The following ASF1A variants were observed in gnomAD, a reference collection of about 807,000 sequenced individuals.
The protein encoded by ASF1A is histone chaperone ASF1A.
Under a neutral mutation model 22.0 loss-of-function variants are expected in ASF1A, and 5 were observed. That is an observed-to-expected ratio of 0.23 (90% CI 0.12 to 0.48). The LOEUF is 0.48. ASF1A is among the 20% of genes least tolerant of loss of function. The pLI is 0.99. For missense variants in ASF1A, 137 were observed against 240.6 expected (o/e 0.57, Z 2.85); for synonymous variants, 97 against 86.7 (o/e 1.12, Z -0.66).
intron 3 of ASF1A, among the ~76,000 whole-genome samples, chr6:118,906,457 C>G (rs952090193): frequency 6.6e-6 from 1 of 152,254 alleles, no homozygotes; most frequent in East Asian, 1.9e-4. Context: ...TGATTCTGTT[C>G]ATTTCAACCT....
In ASF1A at chr6:118,905,873, T is replaced by G. The variant is rs770997891; in HGVS notation, c.402+45T>G. 9 of 1,427,992 alleles carry G rather than the reference T, an allele frequency of 6.3e-6. No homozygotes were observed. In the South Asian group the frequency reaches 1.3e-4, roughly 20 times the overall value. 88.5% of individuals were successfully genotyped at this position (1,427,992 alleles called of 1,614,324 possible). On this transcript the variant is annotated intron_variant, in intron 3 of 3. Transcript: ENST00000229595. Reference sequence around the variant, plus strand: ...TTTTTAACTACTTTTACTATGCAATTTTTAAAGCAGTTGCTATTGCAATTT... The same window carrying G: ...TTTTTAACTACTTTTACTATGCAATGTTTAAAGCAGTTGCTATTGCAATTT...
At chr6:118,898,566 A>G (rs780866299) in intron 1 of ASF1A, among the ~76,000 whole-genome samples, 6 of 151,926 alleles carry the variant, frequency 3.9e-5, no homozygotes, top group African/African-American at 1.2e-4. Context: ...CTGGGACCAC[A>G]GGCATGTGCC....
intron 2 of ASF1A, among the ~76,000 whole-genome samples, chr6:118,904,521 G>C (rs1780037055): frequency 6.6e-6 from 1 of 152,190 alleles, no homozygotes; most frequent in Non-Finnish European, 1.5e-5. Flanking sequence ...GTGTTCCCCA[G>C]TCTGGCTCCT....
chr6:118,906,818 A>G (rs917192577), intron 3 of ASF1A, among the ~76,000 whole-genome samples: 3 of 152,214 alleles, frequency 2.0e-5, no homozygotes, highest in Non-Finnish European at 4.4e-5. Context: ...GAAAAATTAC[A>G]TGACAATAGA....
chr6:118,894,241 A>G lies in ASF1A; in HGVS notation c.-173A>G. 8.3e-6 allele frequency: 12 copies of G among 1,443,516 alleles called. No homozygotes were observed. Among genetic ancestry groups the G allele is most frequent in the Non-Finnish European group, 1.1e-5 (12 of 1,104,066 alleles). The allele number at this position is 1,443,516 out of a possible 1,614,324, so 89.4% of individuals were successfully genotyped here. ...TAGTGAAATAGGAAAGCTGCAAAAC[A>G]CTGTGGAGTGCTCCCGTGTAAATAA... On this transcript the variant is annotated 5_prime_UTR_variant, in exon 1 of 4. Transcript: ENST00000229595.
chr6:118,907,843 C>G lies in ASF1A; in HGVS notation c.*229C>G. 2.3e-6 allele frequency: 1 copy of G among 429,252 alleles called. No individual in the cohort carries two copies. Among genetic ancestry groups the G allele is most frequent in the Non-Finnish European group, 4.2e-6 (1 of 239,420 alleles). The allele number at this position is 429,252 out of a possible 1,614,324, so 26.6% of individuals were successfully genotyped here. A position where few individuals can be genotyped will look rare whatever the true frequency, so the allele number is the denominator to read the frequency against. ...TTATTTTATTTGTTCTGAAACTAAT[C>G]TGATTAAAGCATATATATTATTTTC... On this transcript the variant is annotated 3_prime_UTR_variant, in exon 4 of 4. Coordinates refer to ENST00000229595, the MANE Select transcript of ASF1A (RefSeq NM_014034.3).
intron 2 of ASF1A, 103 bp downstream of exon 2, chr6:118,900,984 C>T: frequency 1.3e-6 from 1 of 772,468 alleles, no homozygotes; most frequent in Middle Eastern, 2.6e-4. Flanking sequence ...GGTTAAAGAA[C>T]TGCTTCTGCT....
rs528293403 is a variant in ASF1A, at chr6:118,908,743, C to T, written c.*1129C>T. ...TTTTTCTTTGAGAGTTAAGTCCTTC[C>T]TCAAAAAATTTTCTTATGCTCCATA... On this transcript the variant is annotated 3_prime_UTR_variant, in exon 4 of 4. Coordinates refer to ENST00000229595, the MANE Select transcript of ASF1A (RefSeq NM_014034.3). 1 of 152,610 alleles carries T rather than the reference C, an allele frequency of 6.6e-6. No individual in the cohort carries two copies. Among genetic ancestry groups the T allele is most frequent in the African/African-American group, 2.4e-5 (1 of 41,554 alleles). 9.5% of individuals were successfully genotyped at this position (152,610 alleles called of 1,614,324 possible).
intron 2 of ASF1A, among the ~76,000 whole-genome samples, 200 bp from the exon 3 acceptor site, chr6:118,905,452 T>C (rs905904790): frequency 4.6e-5 from 7 of 152,226 alleles, no homozygotes; most frequent in African/African-American, 1.7e-4. Flanking sequence ...GGTCCTTACA[T>C]ATATTGTGGC....
At chr6:118,894,632 G>C in intron 1 of ASF1A, 110 bp downstream of exon 1, 1 of 972,590 alleles carries the variant, frequency 1.0e-6, no homozygotes, top group South Asian at 1.4e-5. Context: ...TGGCGGCCGC[G>C]GGCTGCTCTG....
intron 1 of ASF1A, among the ~76,000 whole-genome samples, chr6:118,895,611 A>G (rs935086414): frequency 6.6e-6 from 1 of 152,134 alleles, no homozygotes; most frequent in Non-Finnish European, 1.5e-5. Context: ...CATATATTTT[A>G]AGGTCTTAAA....
chr6:118,897,850 T>G (rs531659559), intron 1 of ASF1A, among the ~76,000 whole-genome samples: 15 of 150,832 alleles, frequency 9.9e-5, no homozygotes, highest in Admixed American at 9.9e-4. Flanking sequence ...ACAAAAAAAC[T>G]GATGCCAATG....
chr6:118,906,518 T>C (rs1412090000), intron 3 of ASF1A, among the ~76,000 whole-genome samples: 2 of 152,220 alleles, frequency 1.3e-5, no homozygotes, highest in South Asian at 4.1e-4. Context: ...ATGATGATAT[T>C]TTTGTGTGTA....
chr6:118,905,613 T>TTG (rs751946943), intron 2 of ASF1A, 39 bp from the exon 3 acceptor site: 30 of 1,520,856 alleles, frequency 2.0e-5, no homozygotes, highest in South Asian at 8.9e-5. Context: ...TAACAGCCTT[T>TTG]TGTGTGTGTG....
rs2114521203 is a variant in ASF1A at position 118,900,830 on chromosome 6, C to T, written c.174C>T (p.Asp58=). The T allele has an allele frequency of 1.2e-6, 2 of 1,613,788 alleles. No homozygotes were observed. The highest frequency in any genetic ancestry group is 2.2e-5 in the East Asian group (1 of 44,848). The change falls in exon 2 of 4, where the codon GAC becomes GAT. Residue 58 remains aspartate, a synonymous_variant. Coordinates refer to ENST00000229595, the MANE Select transcript of ASF1A (RefSeq NM_014034.3). ...AESEEYDQVL[D]SVLVGPVPAG... ...GTGAAGAATACGATCAAGTTTTAGA[C>T]TCTGTTTTAGTGGGTCCTGTTCCCG...
chr6:118,895,397 G>A (rs1007567330), intron 1 of ASF1A, among the ~76,000 whole-genome samples: 38 of 152,324 alleles, frequency 2.5e-4, no homozygotes, highest in African/African-American at 8.9e-4. Context: ...CCTAAAAGCA[G>A]AAATAAGATA....
In ASF1A at chr6:118,905,814, C is replaced by A. The variant is rs779926681; in HGVS notation, c.388C>A (p.Pro130Thr). ...TELRENPPVK[P>T]DFSKLQRNIL... is the part of the protein sequence containing the mutation. ...ATTAAGGGAAAATCCACCAGTAAAACCAGACTTTTCTAAGGTAATGTTCTT... is the reference window on the plus strand; with the variant it reads ...ATTAAGGGAAAATCCACCAGTAAAAACAGACTTTTCTAAGGTAATGTTCTT... The change falls in exon 3 of 4, where the codon CCA becomes ACA. Residue 130 changes from proline to threonine, a missense_variant. Coordinates refer to ENST00000229595, the MANE Select transcript of ASF1A (RefSeq NM_014034.3). The A allele has an allele frequency of 6.2e-7, 1 of 1,601,118 alleles. No individual in the cohort carries two copies. The highest frequency in any genetic ancestry group is 8.5e-7 in the Non-Finnish European group (1 of 1,171,758).
intron 1 of ASF1A, among the ~76,000 whole-genome samples, chr6:118,898,400 A>G (rs946306980): frequency 6.6e-6 from 1 of 152,050 alleles, no homozygotes; most frequent in African/African-American, 2.4e-5. Context: ...ATGAAATTAA[A>G]ATTCATGAAA....
chr6:118,900,890 A>C lies in ASF1A; in HGVS notation c.225+9A>C. ...ATATGTTTGTATTTCAGGTAAGATTAATCTTGGTAAATGTGTATGCCAAAT... is the reference window on the plus strand; with the variant it reads ...ATATGTTTGTATTTCAGGTAAGATTCATCTTGGTAAATGTGTATGCCAAAT... On this transcript the variant is annotated intron_variant, in intron 2 of 3. Coordinates refer to ENST00000229595, the MANE Select transcript of ASF1A (RefSeq NM_014034.3). The C allele has an allele frequency of 6.5e-7, 1 of 1,546,694 alleles. No homozygotes were observed. The highest frequency in any genetic ancestry group is 8.9e-7 in the Non-Finnish European group (1 of 1,118,442).
Sources: allele counts gnomAD v4.1 joint callset (sites outside exome capture counted in the v4.1 genomes callset), GRCh38; gene constraint gnomAD v4.1.1; transcripts MANE v1.5; gene names NCBI Gene and HGNC (gene_info 2026-07-23, HGNC 2026-07-21).